The following ACSM1 variants were observed in gnomAD, a reference collection of about 807,000 sequenced individuals.
ACSM1 encodes acyl-coenzyme A synthetase ACSM1, mitochondrial.
ACSM1 carries 79 observed loss-of-function variants against 75.8 expected under a neutral mutation model. That is an observed-to-expected ratio of 1.04 (90% confidence interval 0.87 to 1.26). The LOEUF is 1.26. Ranked by LOEUF, ACSM1 falls within the 50% of genes most tolerant of loss-of-function variation. The pLI is 0.00. For synonymous variants in ACSM1, 279 were observed against 265.8 expected (o/e 1.05, Z -0.48); for missense variants, 676 against 720.1 (o/e 0.94, Z 0.70).
At chr16:20,672,322 C>T (rs2152272833) in intron 4 of ACSM1, among the ~76,000 whole-genome samples, 1 of 149,342 alleles carries the variant, frequency 6.7e-6, no homozygotes. Context: ...CTGGTGGGCG[C>T]TTATACTCCC....
chr16:20,637,390 G>T lies in ACSM1; in HGVS notation c.1178C>A (p.Thr393Asn), dbSNP rs1450675093. Residue 393 changes from threonine (T) to asparagine (N), a missense_variant, in exon 9 of 14, where the codon ACT becomes AAT. Coordinates refer to ENST00000520010, the MANE Select transcript of ACSM1 (RefSeq NM_001318890.3). ...CCAGACCTGGACGTCGTAGGGTGGAGTGGCCTTCCCCATGAAACCCGGCTT... is the reference window on the plus strand; with the variant it reads ...CCAGACCTGGACGTCGTAGGGTGGATTGGCCTTCCCCATGAAACCCGGCTT... The part of the protein sequence containing the change: ...KIKPGFMGKA[T>N]PPYDVQVIDD... 6.2e-7 allele frequency: 1 copy of T among 1,614,132 alleles called. No homozygotes were observed. Among genetic ancestry groups the T allele is most frequent in the Non-Finnish European group, 8.5e-7 (1 of 1,179,986 alleles).
chr16:20,671,408 G>T, intron 5 of ACSM1, 123 bp downstream of exon 5: 1 of 1,040,610 alleles, frequency 9.6e-7, no homozygotes, highest in Non-Finnish European at 1.3e-6. Context: ...AAAGGAGTAT[G>T]TAGTCACTTC....
At chr16:20,672,904 A>T (rs1347286917) in intron 4 of ACSM1, among the ~76,000 whole-genome samples, 1 of 130,068 alleles carries the variant, frequency 7.7e-6, no homozygotes, top group Non-Finnish European at 1.5e-5. Flanking sequence ...AATAAATATA[A>T]ATATATATAA....
At chr16:20,627,869 C>CATACAT (rs1449856164) in intron 10 of ACSM1, among the ~76,000 whole-genome samples, 4 of 77,548 alleles carry the variant, frequency 5.2e-5, no homozygotes, top group Admixed American at 1.8e-4. Context: ...TGTATGTATA[C>CATACAT]ATATATATAT....
Position 20,669,913 on chromosome 16 carries a change from T to G in ACSM1, c.826A>C (p.Ile276Leu). The change falls in exon 6 of 14, where the codon ATT (isoleucine) becomes CTT (leucine). Residue 276 changes from isoleucine to leucine, a missense_variant. Coordinates refer to ENST00000520010, the MANE Select transcript of ACSM1 (RefSeq NM_001318890.3). ...LSDSGWIVAT[I>L]WTLVEPWTAG... ...GTCCATGGTTCTACCAGGGTCCAAA[T>G]GGTAGCCACAATCCATCCTGAGTCC... 1 of 1,613,878 alleles carries G rather than the reference T, an allele frequency of 6.2e-7. No individual in the cohort carries two copies. The highest frequency in any genetic ancestry group is 8.5e-7 in the Non-Finnish European group (1 of 1,179,912).
At chr16:20,628,947 G>A (rs1397016014) in intron 10 of ACSM1, among the ~76,000 whole-genome samples, 2 of 152,012 alleles carry the variant, frequency 1.3e-5, no homozygotes, top group Admixed American at 1.3e-4. Context: ...AACATGAAAT[G>A]GTTTTAAGAG....
intron 4 of ACSM1, among the ~76,000 whole-genome samples, chr16:20,672,471 A>T (rs71374823): frequency 0.017 from 1,071 of 64,266 alleles, 5 homozygotes; most frequent in Non-Finnish European, 0.021. Context: ...AAAAAAAAAA[A>T]ATATATATAT....
intron 3 of ACSM1, 73 bp from the exon 4 acceptor site, chr16:20,682,536 C>A: frequency 8.5e-7 from 1 of 1,178,730 alleles, no homozygotes; most frequent in Non-Finnish European, 1.2e-6. Flanking sequence ...GGCTTGTCTG[C>A]ATCGAAATAC....
At chr16:20,633,469 C>T (rs975064863) in intron 10 of ACSM1, among the ~76,000 whole-genome samples, 24 of 152,100 alleles carry the variant, frequency 1.6e-4, no homozygotes, top group African/African-American at 3.6e-4. Flanking sequence ...TAAATTTAAT[C>T]AGGGAGGCAA....
chr16:20,671,744 A>C, intron 4 of ACSM1, 73 bp from the exon 5 acceptor site: 1 of 1,425,458 alleles, frequency 7.0e-7, no homozygotes, highest in Non-Finnish European at 9.2e-7. Context: ...ATGCAAAAGA[A>C]ACATAAGGCA....
At chr16:20,637,496 G>C (rs780802481) in intron 8 of ACSM1, 45 bp from the exon 9 acceptor site, 1 of 1,494,196 alleles carries the variant, frequency 6.7e-7, no homozygotes, top group African/African-American at 1.4e-5. Flanking sequence ...GAGAGGCCAG[G>C]CTGATCACAA....
At chr16:20,694,641 G>A (rs1295076925) in intron 1 of ACSM1, among the ~76,000 whole-genome samples, 1 of 152,112 alleles carries the variant, frequency 6.6e-6, no homozygotes, top group Non-Finnish European at 1.5e-5. Context: ...CTTACTAAGT[G>A]ACTAAAGACC....
intron 4 of ACSM1, among the ~76,000 whole-genome samples, chr16:20,675,484 G>C (rs187333503): frequency 6.1e-4 from 93 of 152,256 alleles, no homozygotes; most frequent in African/African-American, 2.2e-3. Flanking sequence ...TCCTGTAATA[G>C]GACCCAGTCT....
chr16:20,636,691 C>T, intron 10 of ACSM1, 48 bp downstream of exon 10: 1 of 1,404,964 alleles, frequency 7.1e-7, no homozygotes, highest in South Asian at 1.2e-5. Flanking sequence ...GCAGAGCTCC[C>T]TGTTGGGATC....
intron 4 of ACSM1, among the ~76,000 whole-genome samples, chr16:20,675,050 A>G (rs935425912): frequency 1.3e-5 from 2 of 152,306 alleles, no homozygotes; most frequent in Admixed American, 1.3e-4. Flanking sequence ...GTTTGCTGGC[A>G]GAATGGTAAG....
intron 2 of ACSM1, among the ~76,000 whole-genome samples, chr16:20,685,850 A>AAAG (rs2079544960): frequency 6.8e-6 from 1 of 146,466 alleles, no homozygotes; most frequent in Non-Finnish European, 1.5e-5. Flanking sequence ...AAAAAAACAA[A>AAAG]AAACTTATAG....
chr16:20,671,123 G>A (rs2019869015), intron 5 of ACSM1, among the ~76,000 whole-genome samples: 2 of 152,196 alleles, frequency 1.3e-5, no homozygotes, highest in East Asian at 1.9e-4. Context: ...CCATAATAGG[G>A]GAGAGGTGAG....
intron 10 of ACSM1, among the ~76,000 whole-genome samples, chr16:20,636,290 A>G (rs1555465839): frequency 1.3e-5 from 2 of 151,876 alleles, no homozygotes; most frequent in Non-Finnish European, 2.9e-5. Context: ...TCTGGTTTTT[A>G]CTTTTTTTTA....
At position 20,636,725 on chromosome 16, in the gene ACSM1, T is replaced by TG. The variant is rs1243335061; in HGVS notation, c.1299+13dup. 2 of 1,604,720 alleles carry TG rather than the reference T, an allele frequency of 1.2e-6. No individual in the cohort carries two copies. Among genetic ancestry groups the TG allele is most frequent in the South Asian group, 1.1e-5 (1 of 90,850 alleles). The stretch of plus-strand genomic sequence containing the variant: ...TCCTTGGGGCCAGGATGGGGGCAGA[T>TG]GGGGGGTCATTACCTCATAGCACAT... On this transcript the variant is annotated intron_variant, in intron 10 of 13. Coordinates refer to ENST00000520010, the MANE Select transcript of ACSM1 (RefSeq NM_001318890.3).
Sources: gnomAD v4.1 joint callset for allele counts (sites outside exome capture counted in the v4.1 genomes callset) on GRCh38, gnomAD v4.1.1 for gene constraint, MANE v1.5 for transcripts, NCBI Gene and HGNC (gene_info 2026-07-23, HGNC 2026-07-21) for gene names.